The following TRPM3 variants were observed in gnomAD, a reference collection of about 807,000 sequenced individuals.
TRPM3 encodes transient receptor potential cation channel subfamily M member 3.
In TRPM3, 77 loss-of-function variants were observed where a neutral mutation model predicts 181.2. The observed-to-expected ratio is 0.42, with a 90% CI of 0.35 to 0.51. The LOEUF is 0.51. Among genes scored for constraint, TRPM3 ranks in the 20% least tolerant of loss-of-function variants. The pLI, the probability that TRPM3 is intolerant of heterozygous loss-of-function variation, is 0.01. For synonymous variants in TRPM3, 745 were observed against 796.4 expected (o/e 0.94, Z 1.09); for missense variants, 1,759 against 2,196.7 (o/e 0.80, Z 3.98).
chr9:70,535,130 A>G lies in TRPM3; in HGVS notation c.*823T>C, dbSNP rs1479204117. 1.2e-5 allele frequency: 3 copies of G among 256,468 alleles called. No individual in the cohort carries two copies. Among genetic ancestry groups the G allele is most frequent in the African/African-American group, 6.7e-5 (3 of 44,654 alleles). 15.9% of individuals were successfully genotyped at this position (256,468 alleles called of 1,614,324 possible). A position where few individuals can be genotyped will look rare whatever the true frequency, so the allele number is the denominator to read the frequency against. The stretch of plus-strand genomic sequence containing the variant: ...AAAATAAATTAAAAAATATAAAATT[A>G]TTTAATTACATTCTCCTGAGCTTGC... On this transcript the variant is annotated 3_prime_UTR_variant, in exon 26 of 26. Coordinates refer to ENST00000677713, the MANE Select transcript of TRPM3 (RefSeq NM_001366145.2).
rs1013063964 is a variant in TRPM3 at position 70,681,713 on chromosome 9, A to G, written c.1273-135T>C. 3 of 740,836 alleles carry G rather than the reference A, an allele frequency of 4.0e-6. No individual in the cohort carries two copies. The African/African-American group carries it at 5.2e-5, about 13-fold the overall frequency. The allele number at this position is 740,836 out of a possible 1,614,324, so 45.9% of individuals were successfully genotyped here. On this transcript the variant is annotated intron_variant, in intron 8 of 25. Transcript: ENST00000677713. ...TCTTAACCACAGGGTAAGCACACAT[A>G]ACAAGAATCCGATGAGAGAGCTCTG...
chr9:71,279,263 G>A (rs1438257447), intron 1 of TRPM3, among the ~76,000 whole-genome samples: 1 of 151,910 alleles, frequency 6.6e-6, no homozygotes, highest in East Asian at 1.9e-4. Context: ...AATATCAACA[G>A]TTGCAGCCAG....
At position 71,046,038 on chromosome 9, in the gene TRPM3, G is replaced by A. The variant is rs188353188; in HGVS notation, c.177+75140C>T. On this transcript the variant is annotated intron_variant, in intron 1 of 25. Coordinates refer to ENST00000677713, the MANE Select transcript of TRPM3 (RefSeq NM_001366145.2). ...CTCACTCTGTCACCCAGGCTGGAGTGCAGTGGCGCAATCTTGGCTCACGAT... is the reference window on the plus strand; with the variant it reads ...CTCACTCTGTCACCCAGGCTGGAGTACAGTGGCGCAATCTTGGCTCACGAT... 1.8e-3 allele frequency among the ~76,000 whole-genome samples: 272 copies of A among 150,984 alleles called. 1 individual carries two copies. The highest frequency in any genetic ancestry group is 6.3e-3 in the African/African-American group (260 of 41,114).
chr9:71,163,420 TAGC>T (rs1428776486), intron 1 of TRPM3, among the ~76,000 whole-genome samples: 1 of 152,128 alleles, frequency 6.6e-6, no homozygotes, highest in Admixed American at 6.6e-5. Context: ...TGAAGGGATA[TAGC>T]AGAAGTGACT....
chr9:71,204,824 C>T (rs1164093383), intron 1 of TRPM3, among the ~76,000 whole-genome samples: 4 of 152,104 alleles, frequency 2.6e-5, no homozygotes, highest in African/African-American at 4.8e-5. Context: ...AAATGTCCAA[C>T]AATGATAGAC....
At chr9:70,695,807 C>T (rs1005681801) in intron 8 of TRPM3, among the ~76,000 whole-genome samples, 2 of 152,230 alleles carry the variant, frequency 1.3e-5, no homozygotes, top group African/African-American at 4.8e-5. Context: ...CATTTCTCAG[C>T]TGATGACCTT....
intron 1 of TRPM3, among the ~76,000 whole-genome samples, chr9:71,410,207 G>A (rs866891677): frequency 3.9e-5 from 6 of 152,150 alleles, no homozygotes; most frequent in African/African-American, 1.4e-4. Flanking sequence ...AACTGGAGAA[G>A]CAAGAGCAAA....
At chr9:71,224,596 A>T (rs1467233098) in intron 1 of TRPM3, among the ~76,000 whole-genome samples, 1 of 152,238 alleles carries the variant, frequency 6.6e-6, no homozygotes, top group East Asian at 1.9e-4. Context: ...AAGAAATATG[A>T]GACCTTTCAG....
Position 70,529,439 on chromosome 9 carries a change from T to C in TRPM3, c.*6514A>G, listed in dbSNP as rs1156563565. 1 of 152,196 alleles carries C rather than the reference T, an allele frequency of 6.6e-6. No homozygotes were observed. The highest frequency in any genetic ancestry group is 1.9e-4 in the East Asian group (1 of 5,200). The allele number at this position is 152,196 out of a possible 1,614,324, so 9.4% of individuals were successfully genotyped here. ...TTTACAAATGAGAGTCTAGGTCCTA[T>C]ATTATGAAATGGCTATGAGTACAGT... is the stretch of plus-strand genomic sequence containing the variant. On this transcript the variant is annotated 3_prime_UTR_variant, in exon 26 of 26. Transcript: ENST00000677713.
intron 1 of TRPM3, among the ~76,000 whole-genome samples, chr9:71,172,502 G>A (rs894226253): frequency 5.9e-5 from 9 of 152,008 alleles, no homozygotes; most frequent in African/African-American, 2.2e-4. Context: ...ACCTCTCTGG[G>A]CTCAAGCAAT....
intron 1 of TRPM3, among the ~76,000 whole-genome samples, chr9:71,114,908 A>G (rs943564001): frequency 1.3e-5 from 2 of 152,186 alleles, no homozygotes; most frequent in African/African-American, 4.8e-5. Context: ...GAAATTTCAC[A>G]TCACGTGACT....
chr9:71,084,556 C>T (rs1365755326), intron 1 of TRPM3, among the ~76,000 whole-genome samples: 1 of 152,016 alleles, frequency 6.6e-6, no homozygotes, highest in African/African-American at 2.4e-5. Context: ...CCTAGAACTA[C>T]ATCTAACCAA....
At chr9:70,771,734 C>T (rs2080306618) in intron 7 of TRPM3, among the ~76,000 whole-genome samples, 2 of 152,156 alleles carry the variant, frequency 1.3e-5, no homozygotes, top group South Asian at 2.1e-4. Context: ...CATATAATCT[C>T]TTCTCCCCTC....
At chr9:70,587,961 T>C (rs1252543346) in intron 22 of TRPM3, among the ~76,000 whole-genome samples, 1 of 152,186 alleles carries the variant, frequency 6.6e-6, no homozygotes, top group Admixed American at 6.5e-5. Flanking sequence ...TTCCCCAGGT[T>C]CCTTATCTTC....
chr9:70,793,469 A>G (rs1441486902), intron 6 of TRPM3: 2 of 123,220 alleles, frequency 1.6e-5, no homozygotes, highest in African/African-American at 6.0e-5. Flanking sequence ...AAAAAAAAAA[A>G]ATATATATAT....
intron 24 of TRPM3, among the ~76,000 whole-genome samples, chr9:70,552,580 T>C (rs1001710615): frequency 1.8e-4 from 27 of 152,212 alleles, no homozygotes; most frequent in African/African-American, 5.8e-4. Flanking sequence ...GGTTCTAAAA[T>C]AGCCCTGCTG....
rs527851438 is a variant in TRPM3 at position 70,895,640 on chromosome 9, T to C, written c.178-31129A>G. Reference sequence around the variant, plus strand: ...TTATACAATTACCTAGTTGGTATTATATTAGAAATACCATTTTCAATGAAT... The same window carrying C: ...TTATACAATTACCTAGTTGGTATTACATTAGAAATACCATTTTCAATGAAT... On this transcript the variant is annotated intron_variant, in intron 1 of 25. Coordinates refer to ENST00000677713, the MANE Select transcript of TRPM3 (RefSeq NM_001366145.2). Among the ~76,000 whole-genome samples the C allele has an allele frequency of 3.9e-3, 588 of 152,316 alleles. 2 individuals carry two copies. Among genetic ancestry groups the C allele is most frequent in the Non-Finnish European group, 6.9e-3 (469 of 68,014 alleles).
In TRPM3 at chr9:70,641,962, C is replaced by T. The variant is rs77329355; in HGVS notation, c.1346-1302G>A. Reference sequence around the variant, plus strand: ...CAGTTTACATGGCTGGGGTGTGAGACTGAAATGAGATTGTATAAGTGATTT... The same window carrying T: ...CAGTTTACATGGCTGGGGTGTGAGATTGAAATGAGATTGTATAAGTGATTT... On this transcript the variant is annotated intron_variant, in intron 9 of 25. Transcript: ENST00000677713. Among the ~76,000 whole-genome samples, 263 of 152,260 alleles carry T rather than the reference C, an allele frequency of 1.7e-3. 2 individuals carry two copies. The highest frequency in any genetic ancestry group is 3.1e-3 in the Admixed American group (47 of 15,290).
chr9:70,874,030 A>G (rs1264189248), intron 1 of TRPM3, among the ~76,000 whole-genome samples: 2 of 151,932 alleles, frequency 1.3e-5, no homozygotes, highest in African/African-American at 4.8e-5. Context: ...ACACCTTAAC[A>G]TAATGTTAGG....
Sources: gnomAD v4.1 joint callset for allele counts (sites outside exome capture counted in the v4.1 genomes callset) on GRCh38, gnomAD v4.1.1 for gene constraint, MANE v1.5 for transcripts, NCBI Gene and HGNC (gene_info 2026-07-23, HGNC 2026-07-21) for gene names.